VWA8: variants seen among roughly 807,000 people sequenced by gnomAD.
The protein encoded by VWA8 is von Willebrand factor A domain containing 8.
Under a neutral mutation model 241.5 loss-of-function variants are expected in VWA8, and 221 were observed. The observed-to-expected ratio is 0.91, with a 90% CI of 0.82 to 1.02. The LOEUF is 1.02. VWA8 is among the 50% of genes least tolerant of loss of function. The probability of loss-of-function intolerance (pLI) is 0.00; values close to 1 mark genes in which losing one functional copy is unlikely to be tolerated. For missense variants in VWA8, 2,322 were observed against 2,328.7 expected (o/e 1.00, Z 0.06); for synonymous variants, 852 against 827.1 (o/e 1.03, Z -0.52).
intron 1 of VWA8, among the ~76,000 whole-genome samples, chr13:41,960,357 G>C (rs1878552809): frequency 6.6e-6 from 1 of 152,164 alleles, no homozygotes; most frequent in Non-Finnish European, 1.5e-5. Context: ...GGAAAGGCTC[G>C]GGGATGCATT....
chr13:41,744,904 C>G (rs1014265554), intron 21 of VWA8, among the ~76,000 whole-genome samples: 17 of 152,238 alleles, frequency 1.1e-4, no homozygotes, highest in Admixed American at 8.5e-4. Flanking sequence ...GTGGCGCAAT[C>G]TCGGCATACT....
chr13:41,824,782 C>T (rs1263400029), intron 14 of VWA8, among the ~76,000 whole-genome samples: 2 of 149,642 alleles, frequency 1.3e-5, no homozygotes, highest in East Asian at 3.9e-4. Context: ...AGCACTACTG[C>T]ACCTCAGCCT....
intron 31 of VWA8, 82 bp downstream of exon 31, chr13:41,691,792 A>C: frequency 9.0e-7 from 1 of 1,114,392 alleles, no homozygotes; most frequent in Non-Finnish European, 1.3e-6. Flanking sequence ...TTCACTTTAT[A>C]GTAAACAAGT....
intron 9 of VWA8, among the ~76,000 whole-genome samples, chr13:41,869,854 T>C (rs1163182718): frequency 5.3e-5 from 8 of 152,098 alleles, no homozygotes; most frequent in Non-Finnish European, 1.2e-4. Context: ...ACTGAATTTA[T>C]TTTTACTATT....
intron 25 of VWA8, among the ~76,000 whole-genome samples, chr13:41,720,474 T>C (rs911235410): frequency 6.6e-6 from 1 of 152,198 alleles, no homozygotes; most frequent in Non-Finnish European, 1.5e-5. Context: ...AATGTATGTA[T>C]GCCTTACAGA....
intron 18 of VWA8, among the ~76,000 whole-genome samples, chr13:41,784,745 T>TACACACAC (rs1869100132): frequency 9.8e-6 from 1 of 102,266 alleles, no homozygotes; most frequent in African/African-American, 3.4e-5. Flanking sequence ...CACATATATA[T>TACACACAC]ATATATATAT....
Position 41,721,393 on chromosome 13 carries a change from C to T in VWA8, c.2941G>A (p.Val981Ile). The part of the protein sequence containing the change: ...INYPYSTREV[V>I]NIVKHLQKFP... ...ACCTGTAAATGTTTGACTATGTTGA[C>T]AACTTCTCTGGTAGAATAAGGATAG... Residue 981 changes from valine (V) to isoleucine (I), a missense_variant, in exon 25 of 45, where the codon GTC (valine) becomes ATC (isoleucine). Physicochemically the swap from Val to Ile is conservative, Grantham distance 29. Coordinates refer to ENST00000379310, the MANE Select transcript of VWA8 (RefSeq NM_015058.2). 3 of 1,613,688 alleles carry T rather than the reference C, an allele frequency of 1.9e-6. No homozygotes were observed. The Admixed American group carries it at 5.0e-5, about 27-fold the overall frequency.
chr13:41,767,551 T>C (rs1327482840), intron 20 of VWA8, among the ~76,000 whole-genome samples: 2 of 152,208 alleles, frequency 1.3e-5, no homozygotes, highest in East Asian at 1.9e-4. Flanking sequence ...ACATTACTTT[T>C]GTAATCAGAA....
At chr13:41,881,760 G>A (rs1469009485) in intron 9 of VWA8, among the ~76,000 whole-genome samples, 1 of 141,302 alleles carries the variant, frequency 7.1e-6, no homozygotes, top group East Asian at 2.2e-4. Context: ...TGGACGGGGC[G>A]ACTGGCTGGG....
At chr13:41,886,674 A>C (rs959662892) in intron 7 of VWA8, 107 bp downstream of exon 7, 2 of 961,582 alleles carry the variant, frequency 2.1e-6, no homozygotes, top group African/African-American at 1.7e-5. Context: ...AAAAATTCTT[A>C]TAAGAATTCT....
intron 16 of VWA8, among the ~76,000 whole-genome samples, chr13:41,814,525 A>G (rs1870606482): frequency 6.6e-6 from 1 of 152,194 alleles, no homozygotes; most frequent in Non-Finnish European, 1.5e-5. Flanking sequence ...AGTTTGTAGA[A>G]ACTGAGGCCT....
intron 28 of VWA8, 127 bp from the exon 29 acceptor site, chr13:41,699,397 A>G (rs2045235757): frequency 1.1e-6 from 1 of 878,406 alleles, no homozygotes. Flanking sequence ...GATGATTTGT[A>G]TCATGGCTTG....
intron 9 of VWA8, among the ~76,000 whole-genome samples, chr13:41,868,927 T>C (rs1189891357): frequency 1.4e-5 from 2 of 147,968 alleles, no homozygotes; most frequent in African/African-American, 5.0e-5. Flanking sequence ...AAAGTAGAGG[T>C]TAAAAAAAGT....
Position 41,589,332 on chromosome 13 carries a change from G to A in VWA8, c.5112+1308C>T, listed in dbSNP as rs566023979. ...TATATTTTTTTTCAGTTATATGATG[G>A]ACACTGATCTTTAAAGTAAGAGAAC... On this transcript the variant is annotated intron_variant, in intron 41 of 44. Coordinates refer to ENST00000379310, the MANE Select transcript of VWA8 (RefSeq NM_015058.2). Among the ~76,000 whole-genome samples, 3 of 152,194 alleles carry A rather than the reference G, an allele frequency of 2.0e-5. No individual in the cohort carries two copies. In the South Asian group the frequency reaches 6.2e-4, roughly 32 times the overall value.
intron 37 of VWA8, among the ~76,000 whole-genome samples, chr13:41,634,893 A>G (rs2044747215): frequency 6.6e-6 from 1 of 152,184 alleles, no homozygotes; most frequent in Non-Finnish European, 1.5e-5. Context: ...GTTCACTAAG[A>G]TTTTGAAGTT....
At chr13:41,935,199 A>G (rs1877293427) in intron 2 of VWA8, among the ~76,000 whole-genome samples, 1 of 152,124 alleles carries the variant, frequency 6.6e-6, no homozygotes, top group African/African-American at 2.4e-5. Context: ...AGAGATCACA[A>G]TTTAATATCC....
At chr13:41,776,616 G>A (rs1014325275) in intron 20 of VWA8, among the ~76,000 whole-genome samples, 1 of 152,172 alleles carries the variant, frequency 6.6e-6, no homozygotes, top group Admixed American at 6.5e-5. Context: ...TGATACAGAG[G>A]TATTTAGCTG....
chr13:41,766,539 C>G (rs1054439464), intron 20 of VWA8, among the ~76,000 whole-genome samples: 3 of 152,182 alleles, frequency 2.0e-5, no homozygotes, highest in African/African-American at 7.2e-5. Flanking sequence ...TTCCTTTCAG[C>G]CACTGTCTCC....
chr13:41,597,979 C>T (rs544093237), intron 40 of VWA8, among the ~76,000 whole-genome samples: 1 of 152,188 alleles, frequency 6.6e-6, no homozygotes, highest in South Asian at 2.1e-4. Context: ...TTTCTCTCCC[C>T]TAGAGCACTG....
Sources: gnomAD v4.1 joint callset for allele counts (sites outside exome capture counted in the v4.1 genomes callset) on GRCh38, gnomAD v4.1.1 for gene constraint, MANE v1.5 for transcripts, NCBI Gene and HGNC (gene_info 2026-07-23, HGNC 2026-07-21) for gene names.